USP7: variants seen among roughly 807,000 people sequenced by gnomAD.
USP7 encodes ubiquitin C-terminal hydrolase 7.
USP7 carries 9 observed loss-of-function variants against 162.9 expected under a neutral mutation model. The observed-to-expected ratio is 0.06, with a 90% CI of 0.03 to 0.10. USP7 has a LOEUF of 0.10. Ranked by LOEUF, USP7 falls within the 10% of genes least tolerant of loss-of-function variation. The pLI, the probability that USP7 is intolerant of heterozygous loss-of-function variation, is 1.00. For synonymous variants in USP7, 562 were observed against 475.9 expected (o/e 1.18, Z -2.35); for missense variants, 715 against 1,373.7 (o/e 0.52, Z 7.58).
chr16:8,956,639 C>CT (rs1899815330), intron 1 of USP7, among the ~76,000 whole-genome samples: 1 of 152,116 alleles, frequency 6.6e-6, no homozygotes, highest in Non-Finnish European at 1.5e-5. Flanking sequence ...TAGCGTGTGC[C>CT]TGTAGTCCAG....
intron 10 of USP7, among the ~76,000 whole-genome samples, chr16:8,914,037 C>CT (rs1478699926): frequency 6.6e-6 from 1 of 152,004 alleles, no homozygotes; most frequent in African/African-American, 2.4e-5. Flanking sequence ...CACACCCATC[C>CT]TCCCCCTTAT....
rs191963748 is a variant in USP7, at chr16:8,903,397, G to A, written c.1710C>T (p.Val570=). 1.1e-5 allele frequency: 18 copies of A among 1,613,530 alleles called. No homozygotes were observed. Among genetic ancestry groups the A allele is most frequent in the Admixed American group, 3.3e-5 (2 of 59,954 alleles). ...EAHLYMQVQI[V]AEDQFCGHQG... ...GGTGGCCACAAAACTGGTCCTCTGC[G>A]ACTATCTGAAAATATGTATGAAAGC... Residue 570 remains valine (V), a synonymous_variant, in exon 16 of 31, where the codon GTC becomes GTT. Coordinates refer to ENST00000344836, the MANE Select transcript of USP7 (RefSeq NM_003470.3).
chr16:8,942,071 G>A (rs1899070360), intron 1 of USP7, among the ~76,000 whole-genome samples: 1 of 152,258 alleles, frequency 6.6e-6, no homozygotes, highest in Non-Finnish European at 1.5e-5. Context: ...GAAAAGTGCA[G>A]TCCAGGTAGA....
intron 6 of USP7, among the ~76,000 whole-genome samples, chr16:8,917,658 C>T (rs970913340): frequency 1.3e-5 from 2 of 152,030 alleles, no homozygotes; most frequent in Non-Finnish European, 1.5e-5. Context: ...GGATTATAGG[C>T]GAGAGCTACC....
chr16:8,896,938 A>G, intron 26 of USP7, 61 bp downstream of exon 26: 1 of 1,267,204 alleles, frequency 7.9e-7, no homozygotes, highest in Admixed American at 1.7e-5. Context: ...GCAACTGCAG[A>G]GGTCAGCGTT....
At position 8,937,215 on chromosome 16, in the gene USP7, A is replaced by T. The variant is rs571611786; in HGVS notation, c.80-6818T>A. ...CACAGTGAGACTCTGTCTTTTTTTA[A>T]AAAAAAAAGGATTAACACGAAACAA... On this transcript the variant is annotated intron_variant, in intron 1 of 30. Coordinates refer to ENST00000344836, the MANE Select transcript of USP7 (RefSeq NM_003470.3). 3.0e-3 allele frequency among the ~76,000 whole-genome samples: 417 copies of T among 140,882 alleles called. 2 individuals carry two copies. Among genetic ancestry groups the T allele is most frequent in the African/African-American group, 0.01 (358 of 34,714 alleles). 92.4% of individuals were successfully genotyped at this position (140,882 alleles called of 152,430 possible). A position where few individuals can be genotyped will look rare whatever the true frequency, so the allele number is the denominator to read the frequency against.
chr16:8,962,311 A>C (rs755890043), intron 1 of USP7, among the ~76,000 whole-genome samples: 10 of 152,216 alleles, frequency 6.6e-5, no homozygotes, highest in Non-Finnish European at 1.2e-4. Flanking sequence ...GCTTTGTTTC[A>C]GTGAAATGGG....
At position 8,893,622 on chromosome 16, in the gene USP7, A is replaced by C; in HGVS notation, c.*376T>G. On this transcript the variant is annotated 3_prime_UTR_variant, in exon 31 of 31. Coordinates refer to ENST00000344836, the MANE Select transcript of USP7 (RefSeq NM_003470.3). ...CCTAAACACAAGACTTGCTAGCTGC[A>C]GGGCTGGTGCACGGGACCCCAGGAA... 1 of 222,002 alleles carries C rather than the reference A, an allele frequency of 4.5e-6. No homozygotes were observed. Among genetic ancestry groups the C allele is most frequent in the Non-Finnish European group, 9.3e-6 (1 of 107,972 alleles). The allele number at this position is 222,002 out of a possible 1,614,324, so 13.8% of individuals were successfully genotyped here.
intron 22 of USP7, 77 bp downstream of exon 22, chr16:8,899,527 C>G: frequency 1.3e-6 from 2 of 1,564,360 alleles, no homozygotes; most frequent in Non-Finnish European, 1.7e-6. Flanking sequence ...GAGATAGCTT[C>G]TTCAACAAGC....
intron 25 of USP7, among the ~76,000 whole-genome samples, chr16:8,897,748 A>ATATATAT (rs2061711307): frequency 2.5e-5 from 2 of 78,488 alleles, no homozygotes; most frequent in Non-Finnish European, 5.3e-5. Flanking sequence ...TATATATATA[A>ATATATAT]ATGAGTTGGG....
chr16:8,899,489 G>T (rs1342110596), intron 22 of USP7, 115 bp downstream of exon 22: 11 of 1,339,206 alleles, frequency 8.2e-6, no homozygotes, highest in African/African-American at 1.5e-5. Context: ...GATTTCCTCG[G>T]GCATAGCCCC....
At position 8,893,767 on chromosome 16, in the gene USP7, A is replaced by G. The variant is rs2061640019; in HGVS notation, c.*231T>C. The G allele has an allele frequency of 2.1e-6, 1 of 483,080 alleles. No homozygotes were observed. Among genetic ancestry groups the G allele is most frequent in the South Asian group, 2.1e-5 (1 of 46,666 alleles). The allele number at this position is 483,080 out of a possible 1,614,324, so 29.9% of individuals were successfully genotyped here. ...AGTTGCCTTGCACTGTGGTTACCAT[A>G]AAATAACTCTCATTGGCATCCAAGC... On this transcript the variant is annotated 3_prime_UTR_variant, in exon 31 of 31. Coordinates refer to ENST00000344836, the MANE Select transcript of USP7 (RefSeq NM_003470.3).
rs2061933303 is a variant in USP7, at chr16:8,910,731, A to T, written c.1161+14T>A. ...ACGCTACAACAGGACACTAGCACAA[A>T]ACACTCAATTTACCTGTAAGCCATG... On this transcript the variant is annotated intron_variant, in intron 11 of 30. Coordinates refer to ENST00000344836, the MANE Select transcript of USP7 (RefSeq NM_003470.3). 1 of 1,612,796 alleles carries T rather than the reference A, an allele frequency of 6.2e-7. No individual in the cohort carries two copies. The highest frequency in any genetic ancestry group is 1.3e-5 in the African/African-American group (1 of 74,894).
intron 1 of USP7, among the ~76,000 whole-genome samples, chr16:8,942,839 C>A (rs1322344807): frequency 2.0e-5 from 3 of 152,202 alleles, no homozygotes; most frequent in African/African-American, 7.2e-5. Context: ...TGAGCCACCA[C>A]ATCCAGCCAC....
intron 1 of USP7, among the ~76,000 whole-genome samples, chr16:8,953,512 C>T (rs533606270): frequency 2.0e-5 from 3 of 150,948 alleles, no homozygotes; most frequent in Admixed American, 6.6e-5. Context: ...GTGCCCCATG[C>T]GGTGCCACTG....
chr16:8,925,925 C>T (rs748047715), intron 2 of USP7, among the ~76,000 whole-genome samples: 2 of 152,038 alleles, frequency 1.3e-5, no homozygotes, highest in Non-Finnish European at 2.9e-5. Flanking sequence ...GAGGCAGAGG[C>T]GGGTGGATCA....
At position 8,902,202 on chromosome 16, in the gene USP7, G is replaced by A. The variant is rs766002322; in HGVS notation, c.1942-15C>T. 2 of 1,613,202 alleles carry A rather than the reference G, an allele frequency of 1.2e-6. No homozygotes were observed. Among genetic ancestry groups the A allele is most frequent in the Admixed American group, 1.7e-5 (1 of 59,894 alleles). On this transcript the variant is annotated splice_polypyrimidine_tract_variant and intron_variant, in intron 17 of 30. Coordinates refer to ENST00000344836, the MANE Select transcript of USP7 (RefSeq NM_003470.3). ...AGCTCAATCATCTATTTCCAAAAGA[G>A]ACGCTGATTTTAGAAGAGTCTAATG...
rs569891785 is a variant in USP7 at position 8,955,241 on chromosome 16, AT to A, written c.79+7965del. On this transcript the variant is annotated intron_variant, in intron 1 of 30. Coordinates refer to ENST00000344836, the MANE Select transcript of USP7 (RefSeq NM_003470.3). ...TTTTTTTACATATTAATCTGTTTGC[AT>A]TTCATTTCTACATGATGGACAGTAT... 2.2e-4 allele frequency among the ~76,000 whole-genome samples: 34 copies of A among 152,214 alleles called. 1 individual carries two copies. In the South Asian group the frequency reaches 5.0e-3, roughly 22 times the overall value.
chr16:8,893,821 A>G lies in USP7; in HGVS notation c.*177T>C. 1.7e-6 allele frequency: 1 copy of G among 597,856 alleles called. No individual in the cohort carries two copies. The highest frequency in any genetic ancestry group is 3.0e-6 in the Non-Finnish European group (1 of 333,538). The allele number at this position is 597,856 out of a possible 1,614,324, so 37.0% of individuals were successfully genotyped here. A position where few individuals can be genotyped will look rare whatever the true frequency, so the allele number is the denominator to read the frequency against. ...ATAAAAACATCTTCATTTTGCTCAA[A>G]AAGGGCAGTCAATAGATACAGAGAA... On this transcript the variant is annotated 3_prime_UTR_variant, in exon 31 of 31. Coordinates refer to ENST00000344836, the MANE Select transcript of USP7 (RefSeq NM_003470.3).
Sources: allele counts gnomAD v4.1 joint callset (sites outside exome capture counted in the v4.1 genomes callset), GRCh38; gene constraint gnomAD v4.1.1; transcripts MANE v1.5; gene names NCBI Gene and HGNC (gene_info 2026-07-23, HGNC 2026-07-21).